PLBD1: variants seen among roughly 807,000 people sequenced by gnomAD.
PLBD1 encodes the protein phospholipase B domain containing 1.
Under a neutral mutation model 63.0 loss-of-function variants are expected in PLBD1, and 60 were observed. The observed-to-expected ratio is 0.95, with a 90% CI of 0.77 to 1.18. The LOEUF (loss-of-function observed/expected upper bound fraction) is 1.18, where lower values mean the gene tolerates loss of function less well. Ranked by LOEUF, PLBD1 falls within the 50% of genes most tolerant of loss-of-function variation. The pLI is 0.00. For missense variants in PLBD1, 598 were observed against 677.9 expected (o/e 0.88, Z 1.31); for synonymous variants, 262 against 248.0 (o/e 1.06, Z -0.53).
intron 8 of PLBD1, among the ~76,000 whole-genome samples, chr12:14,509,585 T>A (rs987796245): frequency 2.0e-5 from 3 of 152,214 alleles, no homozygotes; most frequent in Admixed American, 6.5e-5. Context: ...TAAGTCTTAG[T>A]GCATTTAGTT....
intron 10 of PLBD1, among the ~76,000 whole-genome samples, chr12:14,505,365 C>T (rs1459719046): frequency 2.6e-5 from 4 of 152,198 alleles, no homozygotes; most frequent in Admixed American, 1.3e-4. Context: ...AAAAGACACA[C>T]ACCCAAGCCA....
At chr12:14,530,805 G>T (rs990223537) in intron 6 of PLBD1, among the ~76,000 whole-genome samples, 1 of 152,126 alleles carries the variant, frequency 6.6e-6, no homozygotes, top group African/African-American at 2.4e-5. Context: ...TTATTAATTT[G>T]CATTGCCAAA....
chr12:14,551,531 T>C (rs1296547888), intron 2 of PLBD1, among the ~76,000 whole-genome samples: 4 of 152,200 alleles, frequency 2.6e-5, no homozygotes, highest in Non-Finnish European at 5.9e-5. Context: ...CAAAAGTGGC[T>C]GCTATGAGAT....
chr12:14,537,480 C>G (rs1236740095), intron 4 of PLBD1, among the ~76,000 whole-genome samples: 1 of 152,182 alleles, frequency 6.6e-6, no homozygotes, highest in Admixed American at 6.5e-5. Flanking sequence ...GAAAACCACT[C>G]TTAGACAAGA....
chr12:14,509,962 C>T (rs1335588492), intron 8 of PLBD1, among the ~76,000 whole-genome samples: 1 of 152,102 alleles, frequency 6.6e-6, no homozygotes, highest in African/African-American at 2.4e-5. Context: ...TTCTTGGGAG[C>T]CAGATGAGTC....
At position 14,553,316 on chromosome 12, in the gene PLBD1, T is replaced by C. The variant is rs376848008; in HGVS notation, c.212A>G (p.Asn71Ser). 3.7e-6 allele frequency: 6 copies of C among 1,614,076 alleles called. No homozygotes were observed. The highest frequency in any genetic ancestry group is 2.2e-5 in the South Asian group (2 of 91,090). ...DKNGDAYGFY[N>S]NSVKTTGWGI... ...CCAGCCTGTGGTTTTCACAGAGTTA[T>C]TGTAAAAGCCATAGGCGTCCCCATT... Residue 71 changes from asparagine to serine, a missense_variant, in exon 2 of 11, where the codon AAT (asparagine) becomes AGT (serine). Physicochemically the swap from Asn to Ser is conservative, Grantham distance 46. Coordinates refer to ENST00000240617, the MANE Select transcript of PLBD1 (RefSeq NM_024829.6).
intron 1 of PLBD1, among the ~76,000 whole-genome samples, chr12:14,556,939 G>A (rs1160471813): frequency 1.4e-5 from 2 of 138,340 alleles, no homozygotes; most frequent in Admixed American, 7.9e-5. Flanking sequence ...AGCCGAGATC[G>A]TGCTATTTGC....
intron 4 of PLBD1, among the ~76,000 whole-genome samples, chr12:14,538,174 C>CT (rs1449760836): frequency 6.6e-6 from 1 of 151,700 alleles, no homozygotes; most frequent in Non-Finnish European, 1.5e-5. Flanking sequence ...CCTCACTCTT[C>CT]TTTTTTTAAT....
intron 1 of PLBD1, among the ~76,000 whole-genome samples, chr12:14,555,751 T>G (rs1945698338): frequency 6.6e-6 from 1 of 152,192 alleles, no homozygotes; most frequent in Non-Finnish European, 1.5e-5. Flanking sequence ...TCCCTCTGGT[T>G]AGCCACCTAG....
At chr12:14,561,737 G>A (rs1013016924) in intron 1 of PLBD1, among the ~76,000 whole-genome samples, 2 of 152,082 alleles carry the variant, frequency 1.3e-5, no homozygotes, top group African/African-American at 4.8e-5. Context: ...TGTATTTTTA[G>A]CAGAGACGGG....
chr12:14,524,893 G>C (rs902606401), intron 6 of PLBD1, among the ~76,000 whole-genome samples: 5 of 152,204 alleles, frequency 3.3e-5, no homozygotes, highest in African/African-American at 1.2e-4. Context: ...GATCTGAAAA[G>C]TACAGTAAAT....
At chr12:14,536,840 G>C in intron 4 of PLBD1, 130 bp from the exon 5 acceptor site, 2 of 1,266,430 alleles carry the variant, frequency 1.6e-6, no homozygotes, top group South Asian at 2.9e-5. Context: ...TGTAATCCCA[G>C]CACTTTGGGA....
chr12:14,509,487 T>C (rs1309577847), intron 8 of PLBD1, among the ~76,000 whole-genome samples: 2 of 151,606 alleles, frequency 1.3e-5, no homozygotes, highest in Admixed American at 6.5e-5. Context: ...TGGATGGATT[T>C]TCCTAACAAG....
At chr12:14,526,166 G>A (rs11829759) in intron 6 of PLBD1, among the ~76,000 whole-genome samples, 1,659 of 152,190 alleles carry the variant, frequency 0.011, 22 homozygotes, top group African/African-American at 0.038. Context: ...TACAGTAAAT[G>A]TAAATGACCC....
Position 14,511,321 on chromosome 12 carries a change from G to A in PLBD1, c.1125C>T (p.Tyr375=). 6.2e-7 allele frequency: 1 copy of A among 1,612,584 alleles called. No individual in the cohort carries two copies. The highest frequency in any genetic ancestry group is 8.5e-7 in the Non-Finnish European group (1 of 1,178,982). Residue 375 remains tyrosine, a synonymous_variant, in exon 8 of 11, where the codon TAC becomes TAT. Coordinates refer to ENST00000240617, the MANE Select transcript of PLBD1 (RefSeq NM_024829.6). ...CATATGTAGGAATTTGCTCCACAAT[G>A]TACAGAGTGCCTTTGTCAAGACTGT... ...LNHSLDKGTL[Y]IVEQIPTYVE... is the part of the protein sequence containing the mutation.
chr12:14,543,773 G>A (rs1015054346), intron 2 of PLBD1, among the ~76,000 whole-genome samples: 1 of 152,084 alleles, frequency 6.6e-6, no homozygotes, highest in Admixed American at 6.6e-5. Context: ...CAATTAAATT[G>A]TATTAATTTT....
chr12:14,525,963 G>T (rs1038264058), intron 6 of PLBD1, among the ~76,000 whole-genome samples: 1 of 150,854 alleles, frequency 6.6e-6, no homozygotes, highest in African/African-American at 2.4e-5. Flanking sequence ...AAGCCCCAGG[G>T]ACAACAATTT....
chr12:14,546,780 T>G (rs1200216380), intron 2 of PLBD1, among the ~76,000 whole-genome samples: 1 of 152,202 alleles, frequency 6.6e-6, no homozygotes, highest in African/African-American at 2.4e-5. Context: ...TTGAGTGTCA[T>G]TGCTGAGGAT....
At chr12:14,529,646 CA>C (rs2136915895) in intron 6 of PLBD1, among the ~76,000 whole-genome samples, 1 of 152,152 alleles carries the variant, frequency 6.6e-6, no homozygotes, top group South Asian at 2.1e-4. Context: ...AGGGCATCTA[CA>C]AAAAATCTGC....
Sources: gnomAD v4.1 joint callset for allele counts (sites outside exome capture counted in the v4.1 genomes callset) on GRCh38, gnomAD v4.1.1 for gene constraint, MANE v1.5 for transcripts, NCBI Gene and HGNC (gene_info 2026-07-23, HGNC 2026-07-21) for gene names.